KCNQ5: variants seen among roughly 807,000 people sequenced by gnomAD.
The protein encoded by KCNQ5 is potassium voltage-gated channel subfamily Q member 5, also known as potassium voltage-gated channel subfamily KQT member 5.
Under a neutral mutation model 98.2 loss-of-function variants are expected in KCNQ5, and 30 were observed. The observed-to-expected ratio is 0.31, with a 90% CI of 0.23 to 0.41. The LOEUF is 0.41. Among genes scored for constraint, KCNQ5 ranks in the 10% least tolerant of loss-of-function variants. The pLI, the probability that KCNQ5 is intolerant of heterozygous loss-of-function variation, is 1.00. For synonymous variants in KCNQ5, 458 were observed against 449.4 expected (o/e 1.02, Z -0.24); for missense variants, 835 against 1,182.5 (o/e 0.71, Z 4.31).
At chr6:72,934,986 G>A (rs1455249558) in intron 1 of KCNQ5, among the ~76,000 whole-genome samples, 1 of 150,498 alleles carries the variant, frequency 6.6e-6, no homozygotes, top group African/African-American at 2.4e-5. Flanking sequence ...CCTTCACTAT[G>A]ACACTCCCTT....
At chr6:73,026,103 C>T (rs953307384) in intron 2 of KCNQ5, among the ~76,000 whole-genome samples, 4 of 152,182 alleles carry the variant, frequency 2.6e-5, no homozygotes, top group African/African-American at 9.6e-5. Context: ...TCCAGGTGCC[C>T]AGTTCCTTTC....
At chr6:73,166,419 G>A (rs1465430088) in intron 10 of KCNQ5, among the ~76,000 whole-genome samples, 1 of 145,734 alleles carries the variant, frequency 6.9e-6, no homozygotes, top group African/African-American at 2.6e-5. Flanking sequence ...CTGGGTGACA[G>A]AGTGAGACTC....
At chr6:72,854,267 TA>T (rs974932077) in intron 1 of KCNQ5, among the ~76,000 whole-genome samples, 15 of 11,610 alleles carry the variant, frequency 1.3e-3, no homozygotes, top group Non-Finnish European at 0.012. Flanking sequence ...TGAATATAAA[TA>T]AATTTTTTTT....
intron 1 of KCNQ5, among the ~76,000 whole-genome samples, chr6:72,970,676 C>G (rs1004769663): frequency 6.6e-6 from 1 of 151,928 alleles, no homozygotes; most frequent in Non-Finnish European, 1.5e-5. Context: ...CAGAACAGAG[C>G]CCTCAGAAAT....
Position 72,638,968 on chromosome 6 carries a change from A to G in KCNQ5, c.398+16381A>G, listed in dbSNP as rs1048970281. Among the ~76,000 whole-genome samples the G allele has an allele frequency of 3.0e-4, 46 of 152,174 alleles. 1 individual carries two copies. Among genetic ancestry groups the G allele is most frequent in the Admixed American group, 2.3e-3 (35 of 15,278 alleles). On this transcript the variant is annotated intron_variant, in intron 1 of 13. Coordinates refer to ENST00000370398, the MANE Select transcript of KCNQ5 (RefSeq NM_019842.4). Reference sequence around the variant, plus strand: ...GTTGGCAAAAGAGATGAAAGAATCAAAATGTTCTTGGTTCCAAGCAAGTGT... The same window carrying G: ...GTTGGCAAAAGAGATGAAAGAATCAGAATGTTCTTGGTTCCAAGCAAGTGT...
At chr6:72,935,000 A>G (rs1370265160) in intron 1 of KCNQ5, among the ~76,000 whole-genome samples, 3 of 151,706 alleles carry the variant, frequency 2.0e-5, no homozygotes. Flanking sequence ...CTCCCTTGCA[A>G]TGAATCCGCT....
At chr6:72,880,955 A>G (rs1182001494) in intron 1 of KCNQ5, among the ~76,000 whole-genome samples, 1 of 152,226 alleles carries the variant, frequency 6.6e-6, no homozygotes, top group Non-Finnish European at 1.5e-5. Context: ...GAACAGTTGG[A>G]TTGATCCAAG....
At chr6:73,135,186 AGAT>A (rs913249504) in intron 10 of KCNQ5, 7 of 150,062 alleles carry the variant, frequency 4.7e-5, no homozygotes, top group Non-Finnish European at 5.9e-5. Flanking sequence ...TGACACAGAA[AGAT>A]GATAACAAAA....
At chr6:72,806,906 G>T (rs1774988756) in intron 1 of KCNQ5, 1 of 392,780 alleles carries the variant, frequency 2.5e-6, no homozygotes, top group East Asian at 8.8e-5. Context: ...CAGCTTTACA[G>T]TTTGAAAAAC....
intron 10 of KCNQ5, chr6:73,133,896 T>A (rs753883368): frequency 2.1e-5 from 13 of 616,750 alleles, no homozygotes; most frequent in Admixed American, 6.4e-5. Context: ...AATTCTTCAC[T>A]TGTATCTACA....
At chr6:73,055,845 A>G in intron 3 of KCNQ5, 1 of 702,284 alleles carries the variant, frequency 1.4e-6, no homozygotes, top group Non-Finnish European at 2.6e-6. Flanking sequence ...CCCAGGGCAA[A>G]GCCAAGAAGT....
chr6:73,010,278 G>GA lies in KCNQ5; in HGVS notation c.489+6286dup, dbSNP rs1202078546. ...CACATAATTATCTCAATTGAAGCCA[G>GA]AAAAAACATTTGAAAAAATTCAGTA... On this transcript the variant is annotated intron_variant, in intron 2 of 13. Transcript: ENST00000370398. 2.0e-5 allele frequency among the ~76,000 whole-genome samples: 3 copies of GA among 151,952 alleles called. No homozygotes were observed. In the South Asian group the frequency reaches 6.2e-4, roughly 32 times the overall value.
intron 1 of KCNQ5, among the ~76,000 whole-genome samples, chr6:72,888,938 A>G (rs1012354701): frequency 6.6e-6 from 1 of 152,180 alleles, no homozygotes; most frequent in Non-Finnish European, 1.5e-5. Flanking sequence ...GTCTGTATGT[A>G]CATCTATGTG....
intron 12 of KCNQ5, among the ~76,000 whole-genome samples, chr6:73,191,313 G>T (rs1334695973): frequency 6.6e-6 from 1 of 151,390 alleles, no homozygotes; most frequent in African/African-American, 2.5e-5. Flanking sequence ...TGTTCACCTT[G>T]CTCTGGACTA....
intron 1 of KCNQ5, among the ~76,000 whole-genome samples, chr6:72,955,240 T>G (rs1766986311): frequency 6.6e-6 from 1 of 152,216 alleles, no homozygotes; most frequent in Admixed American, 6.5e-5. Context: ...CTTATCATTG[T>G]GTAGTCTGAA....
chr6:73,176,320 G>A lies in KCNQ5; in HGVS notation c.1577+6466G>A, dbSNP rs186100259. ...TAAAAGTGTGTAGCACCTCCCTCCC[G>A]CTTCTCTCTTTCTTCCTGCTGCTCC... On this transcript the variant is annotated intron_variant, in intron 11 of 13. Coordinates refer to ENST00000370398, the MANE Select transcript of KCNQ5 (RefSeq NM_019842.4). Among the ~76,000 whole-genome samples, 19 of 152,164 alleles carry A rather than the reference G, an allele frequency of 1.2e-4. No homozygotes were observed. The East Asian group carries it at 2.7e-3, about 22-fold the overall frequency.
At chr6:72,946,003 A>T (rs1467329443) in intron 1 of KCNQ5, among the ~76,000 whole-genome samples, 1 of 152,146 alleles carries the variant, frequency 6.6e-6, no homozygotes, top group African/African-American at 2.4e-5. Context: ...TAACTGTTCC[A>T]CTTTCACTGA....
intron 3 of KCNQ5, among the ~76,000 whole-genome samples, chr6:73,056,401 TA>T (rs35917327): frequency 0.28 from 41,378 of 147,208 alleles, 7,846 homozygotes; most frequent in African/African-American, 0.52. Context: ...TACTTTTATT[TA>T]AAAAAAAAAA....
intron 1 of KCNQ5, among the ~76,000 whole-genome samples, chr6:72,936,471 T>C (rs1765922911): frequency 6.6e-6 from 1 of 152,044 alleles, no homozygotes; most frequent in Non-Finnish European, 1.5e-5. Flanking sequence ...AATTAGAAAA[T>C]GAATGAAAGA....
Sources: gnomAD v4.1 joint callset for allele counts (sites outside exome capture counted in the v4.1 genomes callset) on GRCh38, gnomAD v4.1.1 for gene constraint, MANE v1.5 for transcripts, NCBI Gene and HGNC (gene_info 2026-07-23, HGNC 2026-07-21) for gene names.